The following MAPKAP1 variants were observed in gnomAD, a reference collection of about 807,000 sequenced individuals.
MAPKAP1 encodes the protein MAPK associated protein 1.
MAPKAP1 carries 20 observed loss-of-function variants against 65.7 expected under a neutral mutation model. The observed-to-expected ratio is 0.30, with a 90% CI of 0.21 to 0.44. MAPKAP1 has a LOEUF of 0.44. Ranked by LOEUF, MAPKAP1 falls within the 20% of genes least tolerant of loss-of-function variation. The pLI, the probability that MAPKAP1 is intolerant of heterozygous loss-of-function variation, is 1.00. For synonymous variants in MAPKAP1, 222 were observed against 244.3 expected (o/e 0.91, Z 0.85); for missense variants, 423 against 648.0 (o/e 0.65, Z 3.77).
At chr9:125,706,291 G>A (rs999146263) in intron 1 of MAPKAP1, among the ~76,000 whole-genome samples, 4 of 151,746 alleles carry the variant, frequency 2.6e-5, no homozygotes, top group Admixed American at 2.0e-4. Flanking sequence ...TTCACACCTG[G>A]GAAAGTTTTG....
At chr9:125,472,117 G>A (rs537374441) in intron 9 of MAPKAP1, among the ~76,000 whole-genome samples, 1 of 152,346 alleles carries the variant, frequency 6.6e-6, no homozygotes, top group Admixed American at 6.5e-5. Flanking sequence ...AACTCAGGAA[G>A]TCTGGTTCCA....
At chr9:125,577,857 G>T (rs933100730) in intron 5 of MAPKAP1, among the ~76,000 whole-genome samples, 1 of 150,674 alleles carries the variant, frequency 6.6e-6, no homozygotes, top group African/African-American at 2.4e-5. Context: ...GGAGCTGAGG[G>T]GCGCCTCTGC....
intron 4 of MAPKAP1, among the ~76,000 whole-genome samples, chr9:125,630,228 C>T (rs760965662): frequency 6.6e-5 from 10 of 152,314 alleles, no homozygotes; most frequent in East Asian, 3.9e-4. Context: ...CCGGCTCAAC[C>T]GATCCTCCTG....
chr9:125,650,625 AT>A (rs1322350103), intron 4 of MAPKAP1, among the ~76,000 whole-genome samples: 4 of 152,150 alleles, frequency 2.6e-5, no homozygotes, highest in Non-Finnish European at 4.4e-5. Context: ...CCAATGGTGA[AT>A]TCTACCTCAT....
chr9:125,704,787 A>C (rs1225575775), intron 1 of MAPKAP1, among the ~76,000 whole-genome samples: 1 of 152,198 alleles, frequency 6.6e-6, no homozygotes, highest in Non-Finnish European at 1.5e-5. Flanking sequence ...ACCATGCCTC[A>C]AGCATTATAC....
intron 9 of MAPKAP1, among the ~76,000 whole-genome samples, chr9:125,479,517 T>G (rs10986774): frequency 0.02 from 3,038 of 151,540 alleles, 164 homozygotes; most frequent in East Asian, 0.14. Flanking sequence ...GAGGCGGAGG[T>G]TGCAGTGAGC....
At chr9:125,692,426 T>C (rs1394830998) in intron 1 of MAPKAP1, among the ~76,000 whole-genome samples, 1 of 152,232 alleles carries the variant, frequency 6.6e-6, no homozygotes, top group Non-Finnish European at 1.5e-5. Flanking sequence ...ATTCTTTGTA[T>C]ATGAAAGGTT....
At chr9:125,466,050 A>C (rs572662927) in intron 10 of MAPKAP1, among the ~76,000 whole-genome samples, 1 of 152,298 alleles carries the variant, frequency 6.6e-6, no homozygotes, top group Admixed American at 6.5e-5. Flanking sequence ...TGCAAAGGCT[A>C]TGCTGGTCTG....
At chr9:125,650,037 C>T (rs1403970964) in intron 4 of MAPKAP1, among the ~76,000 whole-genome samples, 1 of 152,132 alleles carries the variant, frequency 6.6e-6, no homozygotes, top group Non-Finnish European at 1.5e-5. Flanking sequence ...ACCAGGAAAT[C>T]ATCCTTCAAA....
chr9:125,486,881 GC>G (rs1289316102), intron 8 of MAPKAP1, among the ~76,000 whole-genome samples: 1 of 152,090 alleles, frequency 6.6e-6, no homozygotes, highest in African/African-American at 2.4e-5. Context: ...GCCTTCCCTG[GC>G]CGCAAGCCCC....
At chr9:125,540,670 C>T (rs913362115) in intron 7 of MAPKAP1, among the ~76,000 whole-genome samples, 1 of 152,228 alleles carries the variant, frequency 6.6e-6, no homozygotes, top group East Asian at 1.9e-4. Context: ...AAACACTAAG[C>T]TGGTCATTGT....
At chr9:125,520,656 G>A (rs139220273) in intron 7 of MAPKAP1, among the ~76,000 whole-genome samples, 3 of 152,142 alleles carry the variant, frequency 2.0e-5, no homozygotes, top group African/African-American at 4.8e-5. Flanking sequence ...ACATTTCAGC[G>A]TCCCTACATT....
rs952255390 is a variant in MAPKAP1, at chr9:125,535,446, G to A, written c.958+7613C>T. On this transcript the variant is annotated intron_variant, in intron 7 of 11. Coordinates refer to ENST00000265960, the MANE Select transcript of MAPKAP1 (RefSeq NM_001006617.3). ...CATTGGGTTTTCCACCTGATTTCCAGTGCAGCATGGCACAGAGCAGACAGC... is the reference window on the plus strand; with the variant it reads ...CATTGGGTTTTCCACCTGATTTCCAATGCAGCATGGCACAGAGCAGACAGC... 4.6e-5 allele frequency among the ~76,000 whole-genome samples: 7 copies of A among 152,056 alleles called. No homozygotes were observed. In the South Asian group the frequency reaches 1.5e-3, roughly 32 times the overall value.
chr9:125,605,238 A>G (rs1832406942), intron 4 of MAPKAP1, among the ~76,000 whole-genome samples: 1 of 152,236 alleles, frequency 6.6e-6, no homozygotes, highest in Non-Finnish European at 1.5e-5. Context: ...CCTAATAAAG[A>G]TGCTATTCAA....
At chr9:125,536,693 G>A (rs532893797) in intron 7 of MAPKAP1, among the ~76,000 whole-genome samples, 8 of 152,284 alleles carry the variant, frequency 5.3e-5, no homozygotes, top group East Asian at 1.9e-4. Context: ...TTTGATAGAA[G>A]AAAGAATACT....
chr9:125,584,502 G>C (rs113269769), intron 5 of MAPKAP1, among the ~76,000 whole-genome samples: 3 of 152,226 alleles, frequency 2.0e-5, no homozygotes, highest in African/African-American at 4.8e-5. Flanking sequence ...GCAGTGGCGC[G>C]ATCTCGGTTC....
At chr9:125,577,767 A>G (rs1261831143) in intron 5 of MAPKAP1, among the ~76,000 whole-genome samples, 1 of 134,902 alleles carries the variant, frequency 7.4e-6, no homozygotes. Flanking sequence ...GGAAGTGAGG[A>G]GCCCCTCTGC....
chr9:125,595,728 T>A lies in MAPKAP1; in HGVS notation c.499-10001A>T. On this transcript the variant is annotated intron_variant, in intron 4 of 11. Coordinates refer to ENST00000265960, the MANE Select transcript of MAPKAP1 (RefSeq NM_001006617.3). This position sits in a 1 kb window ranked among gnomAD's most constrained non-coding sequence, Gnocchi z 4.0. Reference sequence around the variant, plus strand: ...CTAAGGAATCTCTTCATTGGAGGGTTGAGCTTTGAAACAACCAATGAGAGC... The same window carrying A: ...CTAAGGAATCTCTTCATTGGAGGGTAGAGCTTTGAAACAACCAATGAGAGC... 1 of 1,535,692 alleles carries A rather than the reference T, an allele frequency of 6.5e-7. No homozygotes were observed. The highest frequency in any genetic ancestry group is 8.9e-7 in the Non-Finnish European group (1 of 1,129,870).
intron 9 of MAPKAP1, among the ~76,000 whole-genome samples, chr9:125,470,034 ACCGTGCTCCACATTCTTTTCT>A (rs1357041355): frequency 6.6e-6 from 1 of 152,172 alleles, no homozygotes; most frequent in Non-Finnish European, 1.5e-5. Context: ...GTGAAAATAA[ACCGTGCTCCACATTCTTTTCT>A]CAGAAAGAAT....
Sources: allele counts gnomAD v4.1 joint callset (sites outside exome capture counted in the v4.1 genomes callset), GRCh38; gene constraint gnomAD v4.1.1; non-coding constraint Gnocchi (gnomAD v3.1); transcripts MANE v1.5; gene names NCBI Gene and HGNC (gene_info 2026-07-23, HGNC 2026-07-21).